The following BTN2A1 variants were observed in gnomAD, a reference collection of about 807,000 sequenced individuals.
BTN2A1 encodes the protein butyrophilin, subfamily 2, member A1.
BTN2A1 carries 41 observed loss-of-function variants against 34.5 expected under a neutral mutation model. The observed-to-expected ratio is 1.19, with a 90% CI of 0.93 to 1.54. BTN2A1 has a LOEUF of 1.54. Among genes scored for constraint, BTN2A1 ranks in the 40% most tolerant of loss-of-function variants. The probability of loss-of-function intolerance (pLI) is 0.00; values close to 1 mark genes in which losing one functional copy is unlikely to be tolerated. For missense variants in BTN2A1, 642 were observed against 662.0 expected, an observed-to-expected ratio of 0.97 and a Z score of 0.33; for synonymous variants, 267 against 258.6, an observed-to-expected ratio of 1.03 and a Z score of -0.31.
downstream of BTN2A1, among the ~76,000 whole-genome samples, chr6:26,469,918 C>T (rs1159393085): frequency 6.6e-6 from 1 of 152,066 alleles, no homozygotes; most frequent in East Asian, 1.9e-4. Flanking sequence ...GTAGCGCACG[C>T]CTGTAGTCCC....
rs766361003 is a variant in BTN2A1, at chr6:26,468,123, T to A, written c.1158T>A (p.His386Gln). ...LGRESFASGK[H>Q]YWEVEVENVI... The stretch of plus-strand genomic sequence containing the variant: ...GGGAGAGCTTCGCTTCAGGGAAACA[T>A]TACTGGGAGGTGGAGGTGGAAAACG... Residue 386 changes from histidine to glutamine, a missense_variant, in exon 8 of 8, where the codon CAT (histidine) becomes CAA (glutamine). Physicochemically the swap from His to Gln is conservative, Grantham distance 24 (BLOSUM62 0). Transcript: ENST00000312541. 2 of 1,613,970 alleles carry A rather than the reference T, an allele frequency of 1.2e-6. No individual in the cohort carries two copies. Among genetic ancestry groups the A allele is most frequent in the Non-Finnish European group, 1.7e-6 (2 of 1,180,018 alleles).
At chr6:26,467,869 G>C (rs1763358155) in intron 7 of BTN2A1, 79 bp from the exon 8 acceptor site, 2 of 1,565,230 alleles carry the variant, frequency 1.3e-6, no homozygotes, top group African/African-American at 1.4e-5. Flanking sequence ...AGATATCTGA[G>C]ACCTCTCTGG....
In BTN2A1 at chr6:26,463,440, CAG is replaced by C; in HGVS notation, c.631_632del (p.Asp211GlnfsTer75). The C allele has an allele frequency of 6.2e-7, 1 of 1,614,166 alleles. No individual in the cohort carries two copies. The highest frequency in any genetic ancestry group is 1.1e-5 in the South Asian group (1 of 91,082). On this transcript the variant is annotated frameshift_variant, in exon 4 of 8. Transcript: ENST00000312541. LOFTEE classifies it high-confidence loss of function. ...LFMVTTAVII[R>X]DKSVRNMSCS... ...TCATGGTCACCACGGCTGTGATCAT[CAG>C]AGACAAGTCTGTGAGGAACATGTCC...
intron 4 of BTN2A1, 121 bp downstream of exon 4, chr6:26,463,646 G>A (rs1489306830): frequency 8.3e-7 from 1 of 1,200,656 alleles, no homozygotes; most frequent in Non-Finnish European, 1.2e-6. Context: ...CTAAGGACCT[G>A]GAGGCTGCAG....
chr6:26,473,274 A>G (rs1215006628), downstream of BTN2A1, among the ~76,000 whole-genome samples: 5 of 152,186 alleles, frequency 3.3e-5, no homozygotes, highest in Non-Finnish European at 5.9e-5. Flanking sequence ...CCCACAGTCT[A>G]CCCAAAGGTT....
intron 7 of BTN2A1, among the ~76,000 whole-genome samples, chr6:26,475,864 G>T (rs1443976523): frequency 6.6e-6 from 1 of 152,094 alleles, no homozygotes; most frequent in Admixed American, 6.5e-5. Context: ...GGATAATGGG[G>T]GAGGATGGTG....
At chr6:26,459,942 C>CCACAGGGAGATTCCACAGGAA in intron 3 of BTN2A1, 114 bp downstream of exon 3, 1 of 961,422 alleles carries the variant, frequency 1.0e-6, no homozygotes. Flanking sequence ...ACTCCCTTTT[C>CCACAGGGAGATTCCACAGGAA]CACTCTCCCT....
rs748939213 is a variant in BTN2A1, at chr6:26,463,366, G to A, written c.553G>A (p.Val185Ile). ...AGTGTGGAGGGACCCCTACGGTGGG[G>A]TTGCGCCTGCCCTGAAAGAGGTCTC... is the stretch of plus-strand genomic sequence containing the variant. ...LTVWRDPYGGVAPALKEVSMP... is the reference protein window; with the variant it reads ...LTVWRDPYGGIAPALKEVSMP... Residue 185 changes from valine (V) to isoleucine (I), a missense_variant, in exon 4 of 8, where the codon GTT (valine) becomes ATT (isoleucine). By Grantham distance (29) the Val-to-Ile change is conservative (BLOSUM62 3). Transcript: ENST00000312541. 38 of 1,614,072 alleles carry A rather than the reference G, an allele frequency of 2.4e-5. No individual in the cohort carries two copies. Among genetic ancestry groups the A allele is most frequent in the Non-Finnish European group, 2.9e-5 (34 of 1,179,994 alleles).
Position 26,467,973 on chromosome 6 carries a change from C to G in BTN2A1, c.1008C>G (p.Thr336=), listed in dbSNP as rs116782726. 22 of 1,613,722 alleles carry G rather than the reference C, an allele frequency of 1.4e-5. 1 individual carries two copies. The highest frequency in any genetic ancestry group is 1.3e-4 in the South Asian group (12 of 91,066). Residue 336 remains threonine (T), a synonymous_variant, in exon 8 of 8, where the codon ACC becomes ACG. Transcript: ENST00000312541. ...HAVDVVLDPD[T]AHPDLFLSED... is the part of the protein sequence containing the mutation. ...TTGATGTGGTCCTGGATCCAGACAC[C>G]GCTCATCCCGATCTCTTCCTGTCAG... is the stretch of plus-strand genomic sequence containing the variant.
Position 26,467,938 on chromosome 6 carries a change from TC to T in BTN2A1, c.983-8del. 6.2e-7 allele frequency: 1 copy of T among 1,608,066 alleles called. No individual in the cohort carries two copies. Among genetic ancestry groups the T allele is most frequent in the Admixed American group, 1.7e-5 (1 of 59,694 alleles). On this transcript the variant is annotated splice_polypyrimidine_tract_variant and intron_variant, in intron 7 of 7. Coordinates refer to ENST00000312541, the MANE Select transcript of BTN2A1 (RefSeq NM_007049.5). The stretch of plus-strand genomic sequence containing the variant: ...AGACCCCAGGCCTAAACCTGAGACT[TC>T]CTCTGCAGTTGATGTGGTCCTGGAT...
intron 7 of BTN2A1, chr6:26,467,579 TG>T: frequency 1.2e-6 from 1 of 852,768 alleles, no homozygotes; most frequent in Non-Finnish European, 1.7e-6. Flanking sequence ...CCCAAAGTTC[TG>T]GGATTACAGG....
downstream of BTN2A1, among the ~76,000 whole-genome samples, chr6:26,470,380 A>ACCCCCCCC (rs11394562): frequency 3.5e-5 from 5 of 141,714 alleles, no homozygotes; most frequent in African/African-American, 1.1e-4. Context: ...TATGTCAGAG[A>ACCCCCCCC]CCCCCCCCAC....
At chr6:26,467,784 G>T (rs1315100070) in intron 7 of BTN2A1, 164 bp from the exon 8 acceptor site, 11 of 1,567,286 alleles carry the variant, frequency 7.0e-6, no homozygotes, top group Non-Finnish European at 9.5e-6. Flanking sequence ...TGCAGCTTCA[G>T]TAATTCTCAG....
At chr6:26,475,987 T>C in intron 7 of BTN2A1, 1 of 768,474 alleles carries the variant, frequency 1.3e-6, no homozygotes, top group Non-Finnish European at 2.2e-6. Flanking sequence ...AATTCCTGAC[T>C]GACTCATTGC....
intron 3 of BTN2A1, among the ~76,000 whole-genome samples, chr6:26,462,000 G>A (rs948245527): frequency 2.5e-4 from 36 of 141,310 alleles, no homozygotes; most frequent in African/African-American, 8.9e-4. Flanking sequence ...CAGCCCAGGC[G>A]ATAGAGTGAG....
rs902865244 is a variant in BTN2A1, at chr6:26,466,372, A to T, written c.982+284A>T. ...TGTCCCATATATAGTAGCCTTCCTA[A>T]GAGTTACATTTCAGTAGTTGTTGTT... On this transcript the variant is annotated intron_variant, in intron 7 of 7. Transcript: ENST00000312541. Among the ~76,000 whole-genome samples, 5 of 152,314 alleles carry T rather than the reference A, an allele frequency of 3.3e-5. No individual in the cohort carries two copies. In the East Asian group the frequency reaches 5.8e-4, roughly 18 times the overall value.
At chr6:26,473,723 T>C (rs901174567), downstream of BTN2A1, among the ~76,000 whole-genome samples, 3 of 152,070 alleles carry the variant, frequency 2.0e-5, no homozygotes, top group South Asian at 2.1e-4. Context: ...ATTTCTGTTA[T>C]GATATAAAAG....
In BTN2A1 at chr6:26,457,955, A is replaced by G. The variant is rs1344755507; in HGVS notation, c.-218A>G. The G allele has an allele frequency of 1.3e-5, 2 of 148,580 alleles. No individual in the cohort carries two copies. The highest frequency in any genetic ancestry group is 1.9e-4 in the East Asian group (1 of 5,182). The allele number at this position is 148,580 out of a possible 1,614,324, so 9.2% of individuals were successfully genotyped here. ...TGGGACTGTGGAAGCCCAGGAGACC[A>G]GATTTCGTTTCCTGCATCTCCAAAC... On this transcript the variant is annotated 5_prime_UTR_variant, in exon 1 of 8. Coordinates refer to ENST00000312541, the MANE Select transcript of BTN2A1 (RefSeq NM_007049.5).
At chr6:26,464,847 G>A (rs1223327926) in intron 4 of BTN2A1, among the ~76,000 whole-genome samples, 2 of 152,164 alleles carry the variant, frequency 1.3e-5, no homozygotes, top group African/African-American at 4.8e-5. Context: ...GACTACAGAA[G>A]GTAAGGGCAG....
Sources: allele counts gnomAD v4.1 joint callset (sites outside exome capture counted in the v4.1 genomes callset), GRCh38; gene constraint gnomAD v4.1.1; transcripts MANE v1.5; gene names NCBI Gene and HGNC (gene_info 2026-07-23, HGNC 2026-07-21).